The following PWWP3B variants were observed in gnomAD, a reference collection of about 807,000 sequenced individuals.
The protein encoded by PWWP3B is PWWP domain containing 3B.
In PWWP3B, 5 loss-of-function variants were observed where a neutral mutation model predicts 15.7. That is an observed-to-expected ratio of 0.32 (90% CI 0.17 to 0.67). The LOEUF (loss-of-function observed/expected upper bound fraction) is 0.67, where lower values mean the gene tolerates loss of function less well. PWWP3B is among the 30% of genes least tolerant of loss of function. The pLI is 0.74. For missense variants in PWWP3B, 519 were observed against 493.1 expected (o/e 1.05, Z -0.50); for synonymous variants, 203 against 179.8 (o/e 1.13, Z -1.03).
intron 2 of PWWP3B, among the ~76,000 whole-genome samples, chrX:106,187,757 A>G (rs1412608865): frequency 9.0e-6 from 1 of 111,541 alleles, no homozygotes. Flanking sequence ...TATCTATGAA[A>G]TGTCTAAGAT....
At chrX:106,174,674 G>A (rs1921791041) in intron 2 of PWWP3B, among the ~76,000 whole-genome samples, 1 of 111,756 alleles carries the variant, frequency 8.9e-6, no homozygotes, top group South Asian at 3.7e-4. Flanking sequence ...CTGCTGCCAG[G>A]CCCCTATAAC....
In PWWP3B at chrX:106,205,428, C is replaced by A. The variant is rs1387166676; in HGVS notation, c.-5C>A. 1 of 1,133,993 alleles carries A rather than the reference C, an allele frequency of 8.8e-7. No individual in the cohort carries two copies. The highest frequency in any genetic ancestry group is 3.1e-5 in the East Asian group (1 of 32,204). 93.5% of individuals were successfully genotyped at this position (1,133,993 alleles called of 1,213,427 possible). A position where few individuals can be genotyped will look rare whatever the true frequency, so the allele number is the denominator to read the frequency against. ...ATAACCCTTGGCACACAAATATAAA[C>A]CATAATGGAGTCTGAGTATGTCCTA... On this transcript the variant is annotated 5_prime_UTR_variant, in exon 4 of 4. Transcript: ENST00000357175.
intron 2 of PWWP3B, 96 bp downstream of exon 2, chrX:106,171,235 T>C (rs1347137798): frequency 1.8e-5 from 2 of 112,305 alleles, no homozygotes; most frequent in African/African-American, 6.5e-5. Flanking sequence ...TCTACAGTCA[T>C]CATAGCATTT....
intron 2 of PWWP3B, among the ~76,000 whole-genome samples, chrX:106,201,279 G>T (rs1033031311): frequency 9.0e-6 from 1 of 111,221 alleles, no homozygotes; most frequent in Non-Finnish European, 1.9e-5. Flanking sequence ...AAAAACAAAA[G>T]AATTATAAAG....
At position 106,179,761 on chromosome X, in the gene PWWP3B, T is replaced by TA. The variant is rs1264428499; in HGVS notation, c.-401+8627dup. On this transcript the variant is annotated intron_variant, in intron 2 of 3. Transcript: ENST00000357175. ...TCCCATTTCACAAAGCATTTCATGGTAAAAACATTCTAAGTTGAGAATATG... is the reference window on the plus strand; with the variant it reads ...TCCCATTTCACAAAGCATTTCATGGTAAAAAACATTCTAAGTTGAGAATATG... Among the ~76,000 whole-genome samples the TA allele has an allele frequency of 1.3e-4, 15 of 112,245 alleles. No individual in the cohort carries two copies. In the Admixed American group the frequency reaches 1.4e-3, roughly 11 times the overall value.
At position 106,206,494 on chromosome X, in the gene PWWP3B, C is replaced by T; in HGVS notation, c.1062C>T (p.Ala354=). The change falls in exon 4 of 4, where the codon GCC becomes GCT. Residue 354 remains alanine (A), a synonymous_variant. Coordinates refer to ENST00000357175, the MANE Select transcript of PWWP3B (RefSeq NM_001171020.2). The stretch of plus-strand genomic sequence containing the variant: ...AAGAACTTGAGGAAGAAGGTCAAGC[C>T]TCTGACAAGTCATTGCTTCCAAGTC... ...DFEELEEEGQ[A]SDKSLLPSRI... The T allele has an allele frequency of 1.7e-6, 2 of 1,208,017 alleles. No homozygotes were observed. The highest frequency in any genetic ancestry group is 2.2e-6 in the Non-Finnish European group (2 of 893,836).
chrX:106,178,670 T>A (rs1922027769), intron 2 of PWWP3B, among the ~76,000 whole-genome samples: 1 of 112,091 alleles, frequency 8.9e-6, no homozygotes, highest in African/African-American at 3.2e-5. Flanking sequence ...AAAAATCACA[T>A]TGAAAACACT....
chrX:106,189,710 C>T (rs1208659922), intron 2 of PWWP3B, among the ~76,000 whole-genome samples: 3 of 106,576 alleles, frequency 2.8e-5, no homozygotes, highest in Non-Finnish European at 5.8e-5. Context: ...CTCTGCCTCC[C>T]GGGTTCACGC....
intron 2 of PWWP3B, among the ~76,000 whole-genome samples, chrX:106,202,385 G>T (rs1012881124): frequency 1.3e-4 from 15 of 111,912 alleles, no homozygotes; most frequent in African/African-American, 3.9e-4. Flanking sequence ...AGATTACTCA[G>T]TGATTATTTT....
chrX:106,201,628 C>T (rs1039467687), intron 2 of PWWP3B: 4 of 111,848 alleles, frequency 3.6e-5, no homozygotes, highest in African/African-American at 1.3e-4. Context: ...ATTCCCCCTC[C>T]CCTGATCCAG....
At chrX:106,177,388 T>C (rs939233631) in intron 2 of PWWP3B, 1 of 112,503 alleles carries the variant, frequency 8.9e-6, no homozygotes, top group Non-Finnish European at 1.9e-5. Context: ...CCAGTTATTT[T>C]CTGGGAATTT....
At chrX:106,194,009 A>G (rs1420462782) in intron 2 of PWWP3B, among the ~76,000 whole-genome samples, 1 of 111,092 alleles carries the variant, frequency 9.0e-6, no homozygotes, top group Non-Finnish European at 1.9e-5. Context: ...TAATCTGACA[A>G]TTATGTGTCT....
intron 2 of PWWP3B, among the ~76,000 whole-genome samples, chrX:106,202,694 C>T (rs986593802): frequency 9.9e-5 from 11 of 111,293 alleles, no homozygotes; most frequent in African/African-American, 2.3e-4. Context: ...TATTTCTATA[C>T]GCAGTTTTCA....
chrX:106,196,325 A>G (rs1350768315), intron 2 of PWWP3B, among the ~76,000 whole-genome samples: 1 of 112,003 alleles, frequency 8.9e-6, no homozygotes, highest in Non-Finnish European at 1.9e-5. Flanking sequence ...GTAATGCTAA[A>G]TAAAAGTGGT....
rs1291707326 is a variant in PWWP3B at position 106,205,119 on chromosome X, G to T, written c.-214-100G>T. 11 of 191,542 alleles carry T rather than the reference G, an allele frequency of 5.7e-5. No individual in the cohort carries two copies. The East Asian group carries it at 8.4e-4, about 15-fold the overall frequency. 15.8% of individuals were successfully genotyped at this position (191,542 alleles called of 1,213,427 possible). ...TCTGTCTCATGCCCCACTGCACATTGTTCTTTTATCCCTTCTCCATTTGTA... is the reference window on the plus strand; with the variant it reads ...TCTGTCTCATGCCCCACTGCACATTTTTCTTTTATCCCTTCTCCATTTGTA... On this transcript the variant is annotated intron_variant, in intron 3 of 3. Coordinates refer to ENST00000357175, the MANE Select transcript of PWWP3B (RefSeq NM_001171020.2).
At chrX:106,173,883 G>T (rs1921752421) in intron 2 of PWWP3B, among the ~76,000 whole-genome samples, 1 of 111,584 alleles carries the variant, frequency 9.0e-6, no homozygotes, top group Non-Finnish European at 1.9e-5. Flanking sequence ...TGTTGTCAAG[G>T]ATTGGACAGT....
In PWWP3B at chrX:106,200,107, C is replaced by T. The variant is rs1318746499; in HGVS notation, c.-400-3878C>T. On this transcript the variant is annotated intron_variant, in intron 2 of 3. Transcript: ENST00000357175. ...TTAACTAGCAGTGATGTTTGCCAGA[C>T]CTGACCACTAAAACCTTCCATATGG... Among the ~76,000 whole-genome samples the T allele has an allele frequency of 3.6e-5, 4 of 111,295 alleles. No homozygotes were observed. The East Asian group carries it at 1.1e-3, about 32-fold the overall frequency.
At chrX:106,170,821 A>G (rs1921577543) in intron 1 of PWWP3B, among the ~76,000 whole-genome samples, 191 bp from the exon 2 acceptor site, 1 of 111,690 alleles carries the variant, frequency 9.0e-6, no homozygotes, top group Non-Finnish European at 1.9e-5. Flanking sequence ...ATATGATTTT[A>G]GCATGAACGA....
chrX:106,170,578 A>G (rs1170159597), intron 1 of PWWP3B, among the ~76,000 whole-genome samples: 1 of 111,863 alleles, frequency 8.9e-6, no homozygotes, highest in Admixed American at 9.5e-5. Flanking sequence ...GAAGTGGACA[A>G]AGCAATGAAA....
Sources: gnomAD v4.1 joint callset for allele counts (sites outside exome capture counted in the v4.1 genomes callset) on GRCh38, gnomAD v4.1.1 for gene constraint, MANE v1.5 for transcripts, NCBI Gene and HGNC (gene_info 2026-07-23, HGNC 2026-07-21) for gene names.